The following ELP4 variants were observed in gnomAD, a reference collection of about 807,000 sequenced individuals.
ELP4 encodes the protein elongator acetyltransferase complex subunit 4.
In ELP4, 51 loss-of-function variants were observed where a neutral mutation model predicts 48.9. The observed-to-expected ratio is 1.04, with a 90% CI of 0.83 to 1.32. The LOEUF (loss-of-function observed/expected upper bound fraction) is 1.32, where lower values mean the gene tolerates loss of function less well. Among genes scored for constraint, ELP4 ranks in the 40% most tolerant of loss-of-function variants. The pLI is 0.00. For missense variants in ELP4, 519 were observed against 514.6 expected (o/e 1.01, Z -0.08); for synonymous variants, 210 against 189.2 (o/e 1.11, Z -0.90).
At chr11:31,514,882 C>A (rs1213109113) in intron 1 of ELP4, among the ~76,000 whole-genome samples, 2 of 151,804 alleles carry the variant, frequency 1.3e-5, no homozygotes, top group African/African-American at 2.4e-5. Flanking sequence ...CTAGACCTTC[C>A]ATTTATCAAG....
intron 4 of ELP4, among the ~76,000 whole-genome samples, chr11:31,595,648 T>C (rs1957657761): frequency 6.6e-6 from 1 of 152,154 alleles, no homozygotes; most frequent in African/African-American, 2.4e-5. Context: ...CCTCATTTGG[T>C]TTCCTGTTTT....
intron 4 of ELP4, among the ~76,000 whole-genome samples, chr11:31,597,412 C>T (rs4636643): frequency 0.61 from 92,911 of 152,008 alleles, 31,961 homozygotes; most frequent in Non-Finnish European, 0.76. Flanking sequence ...GTTAGTCTGT[C>T]TAGAAAAATA....
At chr11:31,716,748 A>G (rs1025296531) in intron 9 of ELP4, among the ~76,000 whole-genome samples, 1 of 152,240 alleles carries the variant, frequency 6.6e-6, no homozygotes, top group African/African-American at 2.4e-5. Flanking sequence ...TTTGGATGAT[A>G]CAAAATAACA....
At chr11:31,754,354 C>T (rs189330037) in intron 9 of ELP4, among the ~76,000 whole-genome samples, 50 of 152,224 alleles carry the variant, frequency 3.3e-4, no homozygotes, top group Admixed American at 2.9e-3. Flanking sequence ...CAACTCATTC[C>T]CTAGCACTTT....
intron 9 of ELP4, among the ~76,000 whole-genome samples, chr11:31,661,399 T>C (rs1349982907): frequency 2.0e-5 from 3 of 152,098 alleles, no homozygotes; most frequent in African/African-American, 7.2e-5. Context: ...ATTTAGTTCT[T>C]GAATATCCAT....
intron 9 of ELP4, among the ~76,000 whole-genome samples, chr11:31,765,666 TAG>T (rs1176023514): frequency 6.6e-6 from 1 of 152,088 alleles, no homozygotes; most frequent in Admixed American, 6.6e-5. Context: ...AGTGCAACAA[TAG>T]ATCCCCTGGA....
At chr11:31,777,028 C>T (rs1948263225) in intron 9 of ELP4, among the ~76,000 whole-genome samples, 1 of 152,146 alleles carries the variant, frequency 6.6e-6, no homozygotes, top group South Asian at 2.1e-4. Flanking sequence ...ATGCAAAATT[C>T]AGCAGATGCA....
chr11:31,668,721 T>TGTG (rs1565103640), intron 9 of ELP4, among the ~76,000 whole-genome samples: 1 of 92,596 alleles, frequency 1.1e-5, no homozygotes, highest in African/African-American at 5.5e-5. Flanking sequence ...TGTGTGTGTG[T>TGTG]AAGAACCCTG....
chr11:31,629,764 A>AT (rs60923235), intron 6 of ELP4, among the ~76,000 whole-genome samples: 2,763 of 132,932 alleles, frequency 0.021, 91 homozygotes, highest in Admixed American at 0.093. Flanking sequence ...TACTATCTAG[A>AT]TTTTTTTTTT....
chr11:31,696,716 G>T (rs959692328), intron 9 of ELP4, among the ~76,000 whole-genome samples: 1 of 152,146 alleles, frequency 6.6e-6, no homozygotes, highest in African/African-American at 2.4e-5. Context: ...ATGCCAAATT[G>T]TAAAGACCAT....
intron 9 of ELP4, among the ~76,000 whole-genome samples, chr11:31,782,825 G>A (rs1370405930): frequency 6.6e-6 from 1 of 152,130 alleles, no homozygotes; most frequent in Non-Finnish European, 1.5e-5. Flanking sequence ...TGACCCTCCG[G>A]TTGGTATCAT....
chr11:31,578,857 A>T (rs1957334592), intron 3 of ELP4, among the ~76,000 whole-genome samples: 1 of 152,210 alleles, frequency 6.6e-6, no homozygotes, highest in African/African-American at 2.4e-5. Flanking sequence ...CCTAGGCAAT[A>T]CCATTCAGGA....
At chr11:31,698,532 C>A (rs1013823698) in intron 9 of ELP4, among the ~76,000 whole-genome samples, 1 of 152,078 alleles carries the variant, frequency 6.6e-6, no homozygotes, top group African/African-American at 2.4e-5. Flanking sequence ...CCCTCCTTAG[C>A]CTCCCGAGTA....
At chr11:31,749,735 G>A (rs1947676860) in intron 9 of ELP4, among the ~76,000 whole-genome samples, 1 of 152,014 alleles carries the variant, frequency 6.6e-6, no homozygotes, top group Non-Finnish European at 1.5e-5. Context: ...TAACCACATA[G>A]ATAGTAATTC....
intron 9 of ELP4, among the ~76,000 whole-genome samples, chr11:31,665,932 A>G (rs1945663751): frequency 6.6e-6 from 1 of 151,020 alleles, no homozygotes; most frequent in South Asian, 2.1e-4. Context: ...TGGGATTACA[A>G]GTATGAGCCA....
intron 3 of ELP4, among the ~76,000 whole-genome samples, chr11:31,548,149 G>A (rs943904510): frequency 1.3e-5 from 2 of 152,132 alleles, no homozygotes; most frequent in Non-Finnish European, 2.9e-5. Flanking sequence ...CAATTAGGCA[G>A]GAGAAGGAAA....
Position 31,627,104 on chromosome 11 carries a change from C to A in ELP4, c.654-6C>A. 1 of 1,588,374 alleles carries A rather than the reference C, an allele frequency of 6.3e-7. No individual in the cohort carries two copies. The highest frequency in any genetic ancestry group is 8.6e-7 in the Non-Finnish European group (1 of 1,161,014). ...TATGTATTTGAACCACTTCTTTTAC[C>A]AACAGTTCTTTGACCCCTGGCTACA... On this transcript the variant is annotated splice_region_variant and splice_polypyrimidine_tract_variant and intron_variant, in intron 5 of 9. Coordinates refer to ENST00000640961, the MANE Select transcript of ELP4 (RefSeq NM_019040.5).
chr11:31,618,719 T>TA, intron 5 of ELP4, among the ~76,000 whole-genome samples: 1 of 152,200 alleles, frequency 6.6e-6, no homozygotes, highest in South Asian at 2.1e-4. Context: ...AATGGTTCCT[T>TA]AGGGCTAGGA....
In ELP4 at chr11:31,592,359, C is replaced by T. The variant is rs1232187; in HGVS notation, c.382-2411C>T. ...AGGAGTTCAACACCAGCCTGGGCAA[C>T]ATAGTGAAATCTGGACTACAAAAAA... On this transcript the variant is annotated intron_variant, in intron 3 of 9. Coordinates refer to ENST00000640961, the MANE Select transcript of ELP4 (RefSeq NM_019040.5). Among the ~76,000 whole-genome samples, 1,196 of 151,986 alleles carry T rather than the reference C, an allele frequency of 7.9e-3. 6 individuals are homozygous for T. Among genetic ancestry groups the T allele is most frequent in the Middle Eastern group, 0.031 (9 of 294 alleles).
Sources: allele counts gnomAD v4.1 joint callset (sites outside exome capture counted in the v4.1 genomes callset), GRCh38; gene constraint gnomAD v4.1.1; transcripts MANE v1.5; gene names NCBI Gene and HGNC (gene_info 2026-07-23, HGNC 2026-07-21).